Variants in ATRN observed in about 807,000 individuals in gnomAD.
ATRN encodes the protein attractin, also known as attractin-2.
A neutral mutation model predicts 178.7 loss-of-function variants in ATRN; 54 were observed. The ratio of observed to expected loss-of-function variants is 0.30; its 90% CI spans 0.24 to 0.38. The LOEUF is 0.38. Ranked by LOEUF, ATRN falls within the 10% of genes least tolerant of loss-of-function variation. ATRN has a pLI of 1.00. For missense variants in ATRN, 1,443 were observed against 1,815.1 expected (o/e 0.79, Z 3.73); for synonymous variants, 636 against 663.0 (o/e 0.96, Z 0.63).
At chr20:3,626,223 C>A (rs568199163) in intron 25 of ATRN, among the ~76,000 whole-genome samples, 198 of 130,036 alleles carry the variant, frequency 1.5e-3, no homozygotes, top group East Asian at 8.0e-3. Context: ...CAGAGTGAGA[C>A]CCTGTCTCAA....
rs532405882 is a variant in ATRN at position 3,502,789 on chromosome 20, A to G, written c.410+31272A>G. Among the ~76,000 whole-genome samples, 177 of 152,336 alleles carry G rather than the reference A, an allele frequency of 1.2e-3. 4 individuals carry two copies. In the South Asian group the frequency reaches 0.035, roughly 30 times the overall value. On this transcript the variant is annotated intron_variant, in intron 1 of 28. Transcript: ENST00000262919. ...GATGTGAGATTTTCCTCTTCAGCCCAGAGACACCAGGGTGGGCACTGCTTG... is the reference window on the plus strand; with the variant it reads ...GATGTGAGATTTTCCTCTTCAGCCCGGAGACACCAGGGTGGGCACTGCTTG...
chr20:3,604,713 A>G (rs114200409), intron 24 of ATRN, among the ~76,000 whole-genome samples: 159 of 152,338 alleles, frequency 1.0e-3, no homozygotes, highest in African/African-American at 3.7e-3. Context: ...TGGGGAGACT[A>G]TGTTGAAGAA....
At chr20:3,578,504 C>A in intron 14 of ATRN, 78 bp from the exon 15 acceptor site, 1 of 1,282,958 alleles carries the variant, frequency 7.8e-7, no homozygotes, top group Non-Finnish European at 1.1e-6. Context: ...TTTCGGTATT[C>A]AGTAATTTGA....
intron 25 of ATRN, chr20:3,629,037 G>A: frequency 3.0e-6 from 3 of 985,054 alleles, no homozygotes; most frequent in Non-Finnish European, 2.4e-6. Flanking sequence ...TGGCAACATG[G>A]CTCTGCTGGT....
intron 18 of ATRN, among the ~76,000 whole-genome samples, 194 bp downstream of exon 18, chr20:3,585,074 T>C (rs1600131591): frequency 1.3e-5 from 2 of 152,080 alleles, no homozygotes; most frequent in Admixed American, 6.6e-5. Context: ...TGGTGGTGGG[T>C]TCCTAAGAAA....
chr20:3,549,189 T>C lies in ATRN; in HGVS notation c.963T>C (p.Pro321=). 2 of 1,608,964 alleles carry C rather than the reference T, an allele frequency of 1.2e-6. No individual in the cohort carries two copies. The highest frequency in any genetic ancestry group is 1.7e-6 in the Non-Finnish European group (2 of 1,178,354). The change falls in exon 6 of 29, where the codon CCT becomes CCC. Residue 321 remains proline, a synonymous_variant. Coordinates refer to ENST00000262919, the MANE Select transcript of ATRN (RefSeq NM_139321.3). ...SDWQGPGCSV[P]VPANQSFWTR... ...TATTAGGTCCTGGATGTTCAGTTCC[T>C]GTACCAGCTAACCAGTCATTTTGGA...
intron 3 of ATRN, among the ~76,000 whole-genome samples, chr20:3,544,712 G>C (rs2085673312): frequency 6.6e-6 from 1 of 152,070 alleles, no homozygotes; most frequent in South Asian, 2.1e-4. Context: ...AAGTGGGATG[G>C]ACCCTTCATT....
At chr20:3,644,349 A>G in intron 28 of ATRN, 81 bp downstream of exon 28, 2 of 1,231,276 alleles carry the variant, frequency 1.6e-6, no homozygotes, top group Non-Finnish European at 1.2e-6. Context: ...TTCCTAGAGA[A>G]CAAGGTTATA....
At chr20:3,535,183 T>G in intron 1 of ATRN, 70 bp from the exon 2 acceptor site, 2 of 586,332 alleles carry the variant, frequency 3.4e-6, no homozygotes, top group South Asian at 9.1e-5. Context: ...TATGAAAATA[T>G]ATAAAATATA....
At chr20:3,630,659 A>G (rs1434186562) in intron 25 of ATRN, among the ~76,000 whole-genome samples, 2 of 152,158 alleles carry the variant, frequency 1.3e-5, no homozygotes, top group Admixed American at 1.3e-4. Context: ...ACCGAATGAC[A>G]CTATCAGAAT....
At chr20:3,641,171 G>A (rs1344116409) in intron 27 of ATRN, among the ~76,000 whole-genome samples, 1 of 152,184 alleles carries the variant, frequency 6.6e-6, no homozygotes, top group East Asian at 1.9e-4. Flanking sequence ...GATGAAAAGA[G>A]TTCTGGAGAT....
intron 22 of ATRN, among the ~76,000 whole-genome samples, chr20:3,599,241 A>G (rs936353326): frequency 6.6e-6 from 1 of 152,212 alleles, no homozygotes; most frequent in African/African-American, 2.4e-5. Context: ...GATTTTAACA[A>G]AAGTACCATA....
At chr20:3,494,543 A>G (rs1011176232) in intron 1 of ATRN, among the ~76,000 whole-genome samples, 1 of 152,184 alleles carries the variant, frequency 6.6e-6, no homozygotes, top group African/African-American at 2.4e-5. Flanking sequence ...GGCCTTAGCA[A>G]GGGGATCAAA....
At chr20:3,498,121 G>A (rs1173171632) in intron 1 of ATRN, among the ~76,000 whole-genome samples, 1 of 152,056 alleles carries the variant, frequency 6.6e-6, no homozygotes, top group Non-Finnish European at 1.5e-5. Context: ...ACCCTCCCAA[G>A]ACTAAACCAG....
chr20:3,579,601 G>A (rs571483998), intron 15 of ATRN, among the ~76,000 whole-genome samples: 1 of 152,226 alleles, frequency 6.6e-6, no homozygotes, highest in African/African-American at 2.4e-5. Flanking sequence ...GCCCAGAAAG[G>A]CTCAAGTTCT....
chr20:3,583,813 AAAAAAG>A, intron 16 of ATRN, 79 bp from the exon 17 acceptor site: 1 of 1,414,752 alleles, frequency 7.1e-7, no homozygotes, highest in Non-Finnish European at 9.7e-7. Context: ...TCTCAAAAAA[AAAAAAG>A]AAAAGAAAGA....
intron 1 of ATRN, among the ~76,000 whole-genome samples, chr20:3,480,186 T>C (rs1018842310): frequency 6.6e-6 from 1 of 152,228 alleles, no homozygotes. Context: ...TGACCTAGGA[T>C]AAGCCCTCAG....
At chr20:3,543,304 T>C (rs761881117) in intron 3 of ATRN, among the ~76,000 whole-genome samples, 5 of 152,216 alleles carry the variant, frequency 3.3e-5, no homozygotes, top group African/African-American at 4.8e-5. Flanking sequence ...CCTAGAACAG[T>C]GACTCACATG....
rs1450683078 is a variant in ATRN at position 3,650,959 on chromosome 20, G to A, written c.*4112G>A. 6.6e-6 allele frequency: 1 copy of A among 152,578 alleles called. No homozygotes were observed. The highest frequency in any genetic ancestry group is 1.5e-5 in the Non-Finnish European group (1 of 68,022). 9.5% of individuals were successfully genotyped at this position (152,578 alleles called of 1,614,324 possible). Reference sequence around the variant, plus strand: ...ATACATTTAGGACTGCAATTTTTTGGTATTTTTTGTATTGTAAAATAACAG... The same window carrying A: ...ATACATTTAGGACTGCAATTTTTTGATATTTTTTGTATTGTAAAATAACAG... On this transcript the variant is annotated 3_prime_UTR_variant, in exon 29 of 29. Transcript: ENST00000262919.
Sources: gnomAD v4.1 joint callset for allele counts (sites outside exome capture counted in the v4.1 genomes callset) on GRCh38, gnomAD v4.1.1 for gene constraint, MANE v1.5 for transcripts, NCBI Gene and HGNC (gene_info 2026-07-23, HGNC 2026-07-21) for gene names.